ARHGEF26: variants seen among roughly 807,000 people sequenced by gnomAD.
The protein encoded by ARHGEF26 is Rho guanine nucleotide exchange factor (GEF) 26.
Under a neutral mutation model 89.4 loss-of-function variants are expected in ARHGEF26, and 59 were observed. The observed-to-expected ratio is 0.66, with a 90% CI of 0.54 to 0.82. ARHGEF26 has a LOEUF of 0.82. Ranked by LOEUF, ARHGEF26 falls within the 40% of genes least tolerant of loss-of-function variation. ARHGEF26 has a pLI of 0.00. For synonymous variants in ARHGEF26, 500 were observed against 428.4 expected, an observed-to-expected ratio of 1.17 and a Z score of -2.06; for missense variants, 1,234 against 1,085.6, an observed-to-expected ratio of 1.14 and a Z score of -1.92.
intron 6 of ARHGEF26, among the ~76,000 whole-genome samples, chr3:154,159,121 G>A (rs371201247): frequency 8.3e-4 from 127 of 152,130 alleles, no homozygotes; most frequent in African/African-American, 2.9e-3. Context: ...TCTTTGCTTT[G>A]ATGTTTCATA....
Position 154,122,710 on chromosome 3 carries a change from C to G in ARHGEF26, c.718C>G (p.Pro240Ala), listed in dbSNP as rs920334340. 14 of 1,613,500 alleles carry G rather than the reference C, an allele frequency of 8.7e-6. No homozygotes were observed. The highest frequency in any genetic ancestry group is 1.2e-5 in the Non-Finnish European group (14 of 1,179,744). The change falls in exon 2 of 15, where the codon CCC (proline) becomes GCC (alanine). Residue 240 changes from proline (P) to alanine (A), a missense_variant. Transcript: ENST00000465093. ...NPSVVLSTNS[P>A]AALKVGKQQI... ...TTCCGTGGTTTTGAGTACAAACAGC[C>G]CCGCCGCCCTCAAAGTGGGGAAGCA...
intron 10 of ARHGEF26, among the ~76,000 whole-genome samples, chr3:154,219,619 ACT>A (rs1460965042): frequency 2.0e-5 from 3 of 151,228 alleles, no homozygotes; most frequent in Non-Finnish European, 4.4e-5. Flanking sequence ...AGAAAAAGAA[ACT>A]CTGTCCAGTA....
rs144003143 is a variant in ARHGEF26, at chr3:154,250,385, G to C, written c.2301-2731G>C. On this transcript the variant is annotated intron_variant, in intron 12 of 14. Coordinates refer to ENST00000465093, the MANE Select transcript of ARHGEF26 (RefSeq NM_015595.4). ...CCTGTGGATTTGACAGCATCTAAGA[G>C]GGGGGGGTGGGACTCACTCAATTGA... is the stretch of plus-strand genomic sequence containing the variant. 2.7e-4 allele frequency among the ~76,000 whole-genome samples: 40 copies of C among 149,390 alleles called. No homozygotes were observed. The East Asian group carries it at 6.0e-3, about 22-fold the overall frequency.
At chr3:154,171,747 T>C (rs888568320) in intron 6 of ARHGEF26, among the ~76,000 whole-genome samples, 1 of 151,996 alleles carries the variant, frequency 6.6e-6, no homozygotes, top group Non-Finnish European at 1.5e-5. Context: ...GTGGTTAGCA[T>C]GTAGATGGAA....
chr3:154,123,967 G>A (rs1276324685), intron 2 of ARHGEF26, among the ~76,000 whole-genome samples: 1 of 152,176 alleles, frequency 6.6e-6, no homozygotes, highest in Non-Finnish European at 1.5e-5. Flanking sequence ...CAGAGCACTG[G>A]AACCAGTCTA....
chr3:154,130,100 T>G (rs1718593488), intron 4 of ARHGEF26, among the ~76,000 whole-genome samples: 1 of 151,982 alleles, frequency 6.6e-6, no homozygotes, highest in African/African-American at 2.4e-5. Context: ...TGTACCTGTA[T>G]ATGTATCTCT....
intron 12 of ARHGEF26, among the ~76,000 whole-genome samples, chr3:154,248,772 C>T (rs1258845509): frequency 6.6e-6 from 1 of 152,122 alleles, no homozygotes; most frequent in Non-Finnish European, 1.5e-5. Context: ...AATTTTAGAA[C>T]TCTTAGTGGG....
At chr3:154,131,223 G>A (rs1718667983) in intron 4 of ARHGEF26, among the ~76,000 whole-genome samples, 1 of 152,080 alleles carries the variant, frequency 6.6e-6, no homozygotes, top group Admixed American at 6.6e-5. Context: ...AAATTGAGCA[G>A]CTACTACTTA....
intron 4 of ARHGEF26, among the ~76,000 whole-genome samples, chr3:154,143,534 A>T (rs1576697921): frequency 6.6e-6 from 1 of 152,270 alleles, no homozygotes; most frequent in East Asian, 1.9e-4. Context: ...CTAATTTTTC[A>T]ATTTAAAATT....
intron 3 of ARHGEF26, among the ~76,000 whole-genome samples, chr3:154,126,106 T>G (rs1226640334): frequency 6.6e-6 from 1 of 152,220 alleles, no homozygotes; most frequent in Non-Finnish European, 1.5e-5. Flanking sequence ...CTTAGTACTT[T>G]GAAGACTAGG....
chr3:154,158,746 C>T (rs1294053621), intron 6 of ARHGEF26, among the ~76,000 whole-genome samples: 1 of 152,112 alleles, frequency 6.6e-6, no homozygotes, highest in Non-Finnish European at 1.5e-5. Flanking sequence ...TAATTCATAA[C>T]TAAACATCAC....
Position 154,149,420 on chromosome 3 carries a change from G to C in ARHGEF26, c.1301G>C (p.Ser434Thr). 1 of 1,608,732 alleles carries C rather than the reference G, an allele frequency of 6.2e-7. No homozygotes were observed. The highest frequency in any genetic ancestry group is 1.1e-5 in the South Asian group (1 of 89,688). The change falls in exon 5 of 15, where the codon AGC becomes ACC. Residue 434 changes from serine to threonine, a missense_variant. Transcript: ENST00000465093. Reference sequence around the variant, plus strand: ...AGAAAGGGATTATCTCAGACAGTAAGCCAGGAGGAAAGAAAGAGACAAGAG... The same window carrying C: ...AGAAAGGGATTATCTCAGACAGTAACCCAGGAGGAAAGAAAGAGACAAGAG... Reference protein sequence around the residue: ...VKRKGLSQTVSQEERKRQEAI... With the variant: ...VKRKGLSQTVTQEERKRQEAI...
intron 7 of ARHGEF26, among the ~76,000 whole-genome samples, chr3:154,189,531 G>C (rs1045341598): frequency 2.0e-5 from 3 of 151,988 alleles, no homozygotes; most frequent in Non-Finnish European, 4.4e-5. Flanking sequence ...TAGAGACTGG[G>C]TTTCACCGTA....
intron 6 of ARHGEF26, among the ~76,000 whole-genome samples, chr3:154,157,340 A>G (rs1008905310): frequency 2.0e-5 from 3 of 152,176 alleles, no homozygotes; most frequent in African/African-American, 4.8e-5. Context: ...ACTTTCCTTG[A>G]AATGGAAAGG....
At position 154,256,875 on chromosome 3, in the gene ARHGEF26, A is replaced by T; in HGVS notation, c.*1402A>T. On this transcript the variant is annotated 3_prime_UTR_variant, in exon 15 of 15. Transcript: ENST00000465093. Reference sequence around the variant, plus strand: ...CTTTACTTTTTCCACTAGTGCACAGAGAGAGAAAGGTTATCTTAATAGTCG... The same window carrying T: ...CTTTACTTTTTCCACTAGTGCACAGTGAGAGAAAGGTTATCTTAATAGTCG... 1 of 1,534,934 alleles carries T rather than the reference A, an allele frequency of 6.5e-7. No homozygotes were observed.
At position 154,254,787 on chromosome 3, in the gene ARHGEF26, G is replaced by T. The variant is rs1462942739; in HGVS notation, c.2436G>T (p.Val812=). The T allele has an allele frequency of 1.2e-6, 2 of 1,613,712 alleles. No homozygotes were observed. Among genetic ancestry groups the T allele is most frequent in the Admixed American group, 3.3e-5 (2 of 59,984 alleles). The part of the protein sequence containing the change: ...AKQPDELSLQ[V]ADVVLIYQRV... ...AGCCAGATGAACTCTCCCTGCAGGTGGCTGACGTCGTCCTCATCTATCAAC... is the reference window on the plus strand; with the variant it reads ...AGCCAGATGAACTCTCCCTGCAGGTTGCTGACGTCGTCCTCATCTATCAAC... Residue 812 remains valine (V), a synonymous_variant, in exon 14 of 15, where the codon GTG becomes GTT. Transcript: ENST00000465093.
At position 154,124,449 on chromosome 3, in the gene ARHGEF26, G is replaced by C. The variant is rs866180740; in HGVS notation, c.1123G>C (p.Glu375Gln). 9 of 1,533,644 alleles carry C rather than the reference G, an allele frequency of 5.9e-6. No homozygotes were observed. The highest frequency in any genetic ancestry group is 2.3e-5 in the Admixed American group (1 of 42,554). ...AGGACAAGGAACATTTGATGGGGAAGGTAAGCATTTAATTTTCCAAACTTT... is the reference window on the plus strand; with the variant it reads ...AGGACAAGGAACATTTGATGGGGAACGTAAGCATTTAATTTTCCAAACTTT... ...LKGQGTFDGEENAVLYQNYKE... is the reference protein window; with the variant it reads ...LKGQGTFDGEQNAVLYQNYKE... Residue 375 changes from glutamate (E) to glutamine (Q), a missense_variant and splice_region_variant, in exon 3 of 15, where the codon GAA (glutamate) becomes CAA (glutamine). Glu to Gln is a conservative substitution (Grantham distance 29). Transcript: ENST00000465093.
At chr3:154,204,575 C>G (rs989770931) in intron 9 of ARHGEF26, among the ~76,000 whole-genome samples, 1 of 151,980 alleles carries the variant, frequency 6.6e-6, no homozygotes, top group Non-Finnish European at 1.5e-5. Context: ...AGTGATCCCC[C>G]CGCCTCGGCC....
intron 6 of ARHGEF26, among the ~76,000 whole-genome samples, chr3:154,154,951 C>A (rs1720239703): frequency 6.6e-6 from 1 of 151,958 alleles, no homozygotes; most frequent in Non-Finnish European, 1.5e-5. Context: ...ATTGCTAGAT[C>A]AAAGGGTAAA....
Sources: gnomAD v4.1 joint callset for allele counts (sites outside exome capture counted in the v4.1 genomes callset) on GRCh38, gnomAD v4.1.1 for gene constraint, MANE v1.5 for transcripts, NCBI Gene and HGNC (gene_info 2026-07-23, HGNC 2026-07-21) for gene names.